The following CERS6 variants were observed in gnomAD, a reference collection of about 807,000 sequenced individuals.
The protein encoded by CERS6 is ceramide synthase 6.
In CERS6, 26 loss-of-function variants were observed where a neutral mutation model predicts 56.8. The observed-to-expected ratio is 0.46, with a 90% CI of 0.34 to 0.63. CERS6 has a LOEUF of 0.63. CERS6 is among the 30% of genes least tolerant of loss of function. The pLI, the probability that CERS6 is intolerant of heterozygous loss-of-function variation, is 0.01. For synonymous variants in CERS6, 164 were observed against 173.3 expected (o/e 0.95, Z 0.42); for missense variants, 415 against 467.5 (o/e 0.89, Z 1.04).
intron 4 of CERS6, among the ~76,000 whole-genome samples, chr2:168,689,538 C>T (rs1295129204): frequency 6.6e-6 from 1 of 152,104 alleles, no homozygotes; most frequent in South Asian, 2.1e-4. Context: ...TATAAAAACA[C>T]AGTAAGCCTC....
chr2:168,662,285 A>G (rs1272120089), intron 4 of CERS6, among the ~76,000 whole-genome samples: 2 of 152,230 alleles, frequency 1.3e-5, no homozygotes, highest in African/African-American at 4.8e-5. Context: ...ATATTAAACA[A>G]TTTCTGGATT....
intron 1 of CERS6, among the ~76,000 whole-genome samples, chr2:168,519,605 G>T (rs1446169580): frequency 1.3e-5 from 2 of 152,078 alleles, no homozygotes; most frequent in African/African-American, 4.8e-5. Flanking sequence ...GCTCTCACTT[G>T]CAGTATTTGC....
chr2:168,505,191 A>G (rs906831086), intron 1 of CERS6, among the ~76,000 whole-genome samples: 4 of 151,916 alleles, frequency 2.6e-5, no homozygotes, highest in African/African-American at 9.7e-5. Context: ...AAGCCTGGGC[A>G]ACATGGCAAA....
chr2:168,554,427 T>G lies in CERS6; in HGVS notation c.276+6726T>G, dbSNP rs79783842. On this transcript the variant is annotated intron_variant, in intron 2 of 9. Transcript: ENST00000305747. The stretch of plus-strand genomic sequence containing the variant: ...CAAAGGTAAATTAGTCAAAATGGGA[T>G]TATTATGGTGGGTCCTAATCCAATA... Among the ~76,000 whole-genome samples, 464 of 152,264 alleles carry G rather than the reference T, an allele frequency of 3.0e-3. 6 individuals are homozygous for G. Among genetic ancestry groups the G allele is most frequent in the African/African-American group, 0.011 (443 of 41,546 alleles).
intron 3 of CERS6, among the ~76,000 whole-genome samples, chr2:168,562,893 C>A (rs1302103044): frequency 6.6e-6 from 1 of 152,152 alleles, no homozygotes; most frequent in African/African-American, 2.4e-5. Flanking sequence ...CCCAGCTTGG[C>A]CCTGCCATAT....
intron 2 of CERS6, among the ~76,000 whole-genome samples, chr2:168,559,513 A>G (rs1415434847): frequency 6.6e-6 from 1 of 151,862 alleles, no homozygotes; most frequent in African/African-American, 2.4e-5. Context: ...TGAGAGAGAC[A>G]GAGAGCATGC....
At chr2:168,492,860 C>T (rs1333537693) in intron 1 of CERS6, among the ~76,000 whole-genome samples, 1 of 152,066 alleles carries the variant, frequency 6.6e-6, no homozygotes, top group Admixed American at 6.6e-5. Context: ...TAAGCATTTT[C>T]ACCATTTTTA....
chr2:168,662,742 A>C (rs1048433415), intron 4 of CERS6, among the ~76,000 whole-genome samples: 1 of 152,122 alleles, frequency 6.6e-6, no homozygotes, highest in East Asian at 1.9e-4. Context: ...CAAACAAACA[A>C]ACAAACGAGC....
At chr2:168,579,032 C>G (rs1464765646) in intron 3 of CERS6, among the ~76,000 whole-genome samples, 1 of 152,078 alleles carries the variant, frequency 6.6e-6, no homozygotes, top group East Asian at 1.9e-4. Flanking sequence ...TGAACAGGAA[C>G]ACAATAATTC....
At chr2:168,687,869 A>G (rs1686395004) in intron 4 of CERS6, among the ~76,000 whole-genome samples, 1 of 152,056 alleles carries the variant, frequency 6.6e-6, no homozygotes, top group Non-Finnish European at 1.5e-5. Flanking sequence ...GTGCCTAGCT[A>G]GTTTTCATAT....
intron 4 of CERS6, among the ~76,000 whole-genome samples, chr2:168,662,287 T>A (rs1430594861): frequency 2.0e-5 from 3 of 152,250 alleles, no homozygotes; most frequent in African/African-American, 7.2e-5. Context: ...ATTAAACAAT[T>A]TCTGGATTTC....
At chr2:168,485,977 A>G (rs1694268213) in intron 1 of CERS6, among the ~76,000 whole-genome samples, 2 of 152,180 alleles carry the variant, frequency 1.3e-5, no homozygotes, top group South Asian at 4.1e-4. Flanking sequence ...TATTTCCACC[A>G]ACAGTGCATG....
At chr2:168,706,127 C>T (rs1252878256) in intron 6 of CERS6, among the ~76,000 whole-genome samples, 4 of 152,124 alleles carry the variant, frequency 2.6e-5, no homozygotes, top group Admixed American at 6.5e-5. Flanking sequence ...AAACTATCTA[C>T]ATCATTTGAA....
intron 4 of CERS6, among the ~76,000 whole-genome samples, chr2:168,657,719 G>C (rs1478718932): frequency 6.6e-6 from 1 of 152,240 alleles, no homozygotes; most frequent in South Asian, 2.1e-4. Flanking sequence ...AGCAGGGCAG[G>C]CTGGCTGCTC....
At chr2:168,632,245 T>C (rs952708132) in intron 4 of CERS6, among the ~76,000 whole-genome samples, 1 of 152,168 alleles carries the variant, frequency 6.6e-6, no homozygotes, top group Non-Finnish European at 1.5e-5. Context: ...GCCTCCAAAG[T>C]GATATCAGTG....
chr2:168,457,008 C>T (rs183034862), intron 1 of CERS6, among the ~76,000 whole-genome samples: 2,615 of 152,288 alleles, frequency 0.017, 24 homozygotes, highest in Non-Finnish European at 0.025. Context: ...GCAGGGCTTC[C>T]CGCCGGGGCC....
chr2:168,533,387 T>C (rs973287683), intron 1 of CERS6, among the ~76,000 whole-genome samples: 1 of 152,236 alleles, frequency 6.6e-6, no homozygotes, highest in African/African-American at 2.4e-5. Context: ...TAGTTTGGAA[T>C]AGATTGGAAT....
At chr2:168,505,397 A>AG (rs1473718885) in intron 1 of CERS6, among the ~76,000 whole-genome samples, 40 of 147,422 alleles carry the variant, frequency 2.7e-4, no homozygotes, top group Admixed American at 1.4e-3. Context: ...AAAAAAAAAA[A>AG]AAAAGAAAAA....
intron 1 of CERS6, among the ~76,000 whole-genome samples, chr2:168,473,830 A>C (rs1694021188): frequency 6.6e-6 from 1 of 152,214 alleles, no homozygotes; most frequent in African/African-American, 2.4e-5. Context: ...GTTGATATAC[A>C]TGTCCTTTTG....
Sources: gnomAD v4.1 joint callset for allele counts (sites outside exome capture counted in the v4.1 genomes callset) on GRCh38, gnomAD v4.1.1 for gene constraint, MANE v1.5 for transcripts, NCBI Gene and HGNC (gene_info 2026-07-23, HGNC 2026-07-21) for gene names.